MLYCD: variants seen among roughly 807,000 people sequenced by gnomAD.
MLYCD encodes malonyl-CoA decarboxylase, mitochondrial.
Under a neutral mutation model 35.8 loss-of-function variants are expected in MLYCD, and 27 were observed. The ratio of observed to expected loss-of-function variants is 0.75; its 90% confidence interval spans 0.56 to 1.04. MLYCD has a LOEUF of 1.04. Among genes scored for constraint, MLYCD ranks in the 50% least tolerant of loss-of-function variants. The pLI, the probability that MLYCD is intolerant of heterozygous loss-of-function variation, is 0.00. For missense variants in MLYCD, 917 were observed against 665.1 expected (o/e 1.38, Z -4.17); for synonymous variants, 403 against 302.4 (o/e 1.33, Z -3.45).
At chr16:83,903,449 C>G (rs1291013303) in intron 1 of MLYCD, among the ~76,000 whole-genome samples, 1 of 152,202 alleles carries the variant, frequency 6.6e-6, no homozygotes, top group Non-Finnish European at 1.5e-5. Context: ...AATTTCTCAG[C>G]CTCTGCAGTG....
In MLYCD at chr16:83,908,253, C is replaced by G; in HGVS notation, c.769C>G (p.Leu257Val). 1.2e-6 allele frequency: 2 copies of G among 1,614,182 alleles called. No homozygotes were observed. Among genetic ancestry groups the G allele is most frequent in the Non-Finnish European group, 1.7e-6 (2 of 1,180,036 alleles). Residue 257 changes from leucine to valine, a missense_variant, in exon 3 of 5, where the codon CTG becomes GTG. Coordinates refer to ENST00000262430, the MANE Select transcript of MLYCD (RefSeq NM_012213.3). Reference protein sequence around the residue: ...GEPLVVLHVALTGDISSNIQA... With the variant: ...GEPLVVLHVAVTGDISSNIQA... ...GCCCCTGGTCGTTTTGCACGTGGCA[C>G]TGACTGGTGACATCTCCAGCAACAT...
chr16:83,899,931 G>C, intron 1 of MLYCD, among the ~76,000 whole-genome samples: 1 of 152,216 alleles, frequency 6.6e-6, no homozygotes, highest in East Asian at 1.9e-4. Context: ...CTCAGCACTT[G>C]GTGGTCTTTA....
chr16:83,901,673 A>G (rs986839518), intron 1 of MLYCD, among the ~76,000 whole-genome samples: 2 of 152,198 alleles, frequency 1.3e-5, no homozygotes, highest in South Asian at 4.1e-4. Context: ...ACTCTTGGTT[A>G]TCGCGTCATT....
chr16:83,914,148 A>G (rs1907285913), intron 4 of MLYCD: 1 of 152,260 alleles, frequency 6.6e-6, no homozygotes. Flanking sequence ...AAAAATATCT[A>G]TAGTGAGCAT....
At position 83,914,764 on chromosome 16, in the gene MLYCD, G is replaced by GC. The variant is rs1308211355; in HGVS notation, c.949-191dup. On this transcript the variant is annotated intron_variant, in intron 4 of 4. Coordinates refer to ENST00000262430, the MANE Select transcript of MLYCD (RefSeq NM_012213.3). ...ACTGCACTCCAGCTAGGGCAATAGA[G>GC]CAAGACCCTGACTCTAAGAGGAAAA... is the stretch of plus-strand genomic sequence containing the variant. 2.8e-5 allele frequency: 22 copies of GC among 778,042 alleles called. No homozygotes were observed. In the East Asian group the frequency reaches 5.9e-4, roughly 21 times the overall value. 48.2% of individuals were successfully genotyped at this position (778,042 alleles called of 1,614,324 possible). A position where few individuals can be genotyped will look rare whatever the true frequency, so the allele number is the denominator to read the frequency against.
At chr16:83,900,852 G>A (rs1000704984) in intron 1 of MLYCD, among the ~76,000 whole-genome samples, 12 of 152,182 alleles carry the variant, frequency 7.9e-5, no homozygotes, top group African/African-American at 2.9e-4. Flanking sequence ...CAGTAAAGGA[G>A]AACATGCTGA....
chr16:83,899,350 C>T lies in MLYCD; in HGVS notation c.206C>T (p.Ala69Val), dbSNP rs200579941. The stretch of plus-strand genomic sequence containing the variant: ...CCGGCGCCCGCCGAGGGTCAGTGCG[C>T]GGACTTCGTGAGCTTCTACGGTGGG... The part of the protein sequence containing the change: ...KTPAPAEGQC[A>V]DFVSFYGGLA... The change falls in exon 1 of 5, where the codon GCG becomes GTG. Residue 69 changes from alanine (A) to valine (V), a missense_variant. Physicochemically the swap from Ala to Val is moderately conservative, Grantham distance 64. Coordinates refer to ENST00000262430, the MANE Select transcript of MLYCD (RefSeq NM_012213.3). 3.3e-3 allele frequency: 5,032 copies of T among 1,522,958 alleles called. 20 individuals are homozygous for T. The highest frequency in any genetic ancestry group is 4.7e-3 in the Middle Eastern group (26 of 5,474). The allele number at this position is 1,522,958 out of a possible 1,614,324, so 94.3% of individuals were successfully genotyped here. A position where few individuals can be genotyped will look rare whatever the true frequency, so the allele number is the denominator to read the frequency against.
Position 83,899,199 on chromosome 16 carries a change from C to A in MLYCD, c.55C>A (p.Pro19Thr). 1.7e-6 allele frequency: 2 copies of A among 1,178,220 alleles called. 1 individual carries two copies. The highest frequency in any genetic ancestry group is 6.9e-5 in the South Asian group (2 of 28,822). 73.0% of individuals were successfully genotyped at this position (1,178,220 alleles called of 1,614,324 possible). Residue 19 changes from proline to threonine, a missense_variant, in exon 1 of 5, where the codon CCC becomes ACC. By Grantham distance (38) the Pro-to-Thr change is conservative. Coordinates refer to ENST00000262430, the MANE Select transcript of MLYCD (RefSeq NM_012213.3). Reference sequence around the variant, plus strand: ...CAGGCGTCTCCTCCCGCTGCGGTTGCCCCCGCGGCCGCCCGGGCCCCGGCT... The same window carrying A: ...CAGGCGTCTCCTCCCGCTGCGGTTGACCCCGCGGCCGCCCGGGCCCCGGCT... ...TARRLLPLRL[P>T]PRPPGPRLAS...
At chr16:83,912,643 T>G in intron 4 of MLYCD, 1 of 466,876 alleles carries the variant, frequency 2.1e-6, no homozygotes, top group Non-Finnish European at 4.0e-6. Flanking sequence ...CTCTCTAGGG[T>G]GACCTCGTTC....
At chr16:83,900,713 G>A (rs879282426) in intron 1 of MLYCD, among the ~76,000 whole-genome samples, 5 of 144,720 alleles carry the variant, frequency 3.5e-5, no homozygotes, top group Non-Finnish European at 6.0e-5. Context: ...AGTTTGTTAT[G>A]TGCAGTTGGT....
At chr16:83,912,869 G>C (rs373350590) in intron 4 of MLYCD, 1 of 206,010 alleles carries the variant, frequency 4.9e-6, no homozygotes, top group Non-Finnish European at 1.0e-5. Flanking sequence ...CAGACAGCTC[G>C]AAGGTAAATG....
At chr16:83,900,576 C>G (rs1282094798) in intron 1 of MLYCD, among the ~76,000 whole-genome samples, 1 of 149,884 alleles carries the variant, frequency 6.7e-6, no homozygotes, top group Non-Finnish European at 1.5e-5. Flanking sequence ...CCACCATGCC[C>G]GGCTAATTTT....
rs74830340 is a variant in MLYCD at position 83,916,160 on chromosome 16, C to G, written c.*671C>G. 2.0e-6 allele frequency: 2 copies of G among 991,414 alleles called. No individual in the cohort carries two copies. The highest frequency in any genetic ancestry group is 4.6e-5 in the South Asian group (1 of 21,700). The allele number at this position is 991,414 out of a possible 1,614,324, so 61.4% of individuals were successfully genotyped here. A position where few individuals can be genotyped will look rare whatever the true frequency, so the allele number is the denominator to read the frequency against. On this transcript the variant is annotated 3_prime_UTR_variant, in exon 5 of 5. Transcript: ENST00000262430. ...ATAATGAACTTCACAGTAAAGAACA[C>G]GTTTGTTCTGTAAAGCATTGAACAT...
At chr16:83,907,574 C>A (rs1328011986) in intron 2 of MLYCD, among the ~76,000 whole-genome samples, 1 of 152,174 alleles carries the variant, frequency 6.6e-6, no homozygotes, top group African/African-American at 2.4e-5. Flanking sequence ...TGTCACGGTG[C>A]CTTCACTACC....
rs552425982 is a variant in MLYCD, at chr16:83,907,095, A to T, written c.637A>T (p.Ser213Cys). 48 of 1,610,058 alleles carry T rather than the reference A, an allele frequency of 3.0e-5. No individual in the cohort carries two copies. The highest frequency in any genetic ancestry group is 4.0e-5 in the African/African-American group (3 of 74,846). Residue 213 changes from serine (S) to cysteine (C), a missense_variant, in exon 2 of 5, where the codon AGT becomes TGT. Physicochemically the swap from Ser to Cys is moderately radical, Grantham distance 112. Coordinates refer to ENST00000262430, the MANE Select transcript of MLYCD (RefSeq NM_012213.3). ...HSPCEVLQKI[S>C]EAEAVHPVKN... Reference sequence around the variant, plus strand: ...ACCGTGTGAAGTGCTTCAGAAAATCAGTGAGTAAGTATTACGGTTTTCATT... The same window carrying T: ...ACCGTGTGAAGTGCTTCAGAAAATCTGTGAGTAAGTATTACGGTTTTCATT...
intron 1 of MLYCD, among the ~76,000 whole-genome samples, chr16:83,906,426 G>A (rs1284032947): frequency 6.6e-6 from 1 of 152,104 alleles, no homozygotes; most frequent in Non-Finnish European, 1.5e-5. Context: ...TCTGTGACCC[G>A]CCATCATTCG....
chr16:83,915,817 C>A lies in MLYCD; in HGVS notation c.*328C>A, dbSNP rs1218496065. On this transcript the variant is annotated 3_prime_UTR_variant, in exon 5 of 5. Coordinates refer to ENST00000262430, the MANE Select transcript of MLYCD (RefSeq NM_012213.3). ...CCTACATCTTCAGGAAGCTGTGCAG[C>A]CTCTGCCATTGCCATCCCAGGGGGA... The A allele has an allele frequency of 2.4e-6, 3 of 1,250,892 alleles. No homozygotes were observed. The highest frequency in any genetic ancestry group is 3.0e-6 in the Non-Finnish European group (3 of 984,660). 77.5% of individuals were successfully genotyped at this position (1,250,892 alleles called of 1,614,324 possible). A position where few individuals can be genotyped will look rare whatever the true frequency, so the allele number is the denominator to read the frequency against.
At chr16:83,908,103 T>A (rs763461515) in intron 2 of MLYCD, 23 bp from the exon 3 acceptor site, 32 of 1,614,018 alleles carry the variant, frequency 2.0e-5, no homozygotes, top group Middle Eastern at 3.3e-4. Flanking sequence ...ATTTGTCTTG[T>A]CTCTTTATAA....
At chr16:83,900,532 C>T (rs1471089606) in intron 1 of MLYCD, among the ~76,000 whole-genome samples, 1 of 151,578 alleles carries the variant, frequency 6.6e-6, no homozygotes, top group Non-Finnish European at 1.5e-5. Flanking sequence ...CTTCCCACCT[C>T]AGCCTCCTGA....
Sources: allele counts gnomAD v4.1 joint callset (sites outside exome capture counted in the v4.1 genomes callset), GRCh38; gene constraint gnomAD v4.1.1; transcripts MANE v1.5; gene names NCBI Gene and HGNC (gene_info 2026-07-23, HGNC 2026-07-21).